The following COG5 variants were observed in gnomAD, a reference collection of about 807,000 sequenced individuals.
The protein encoded by COG5 is component of oligomeric golgi complex 5, also known as conserved oligomeric Golgi complex subunit 5.
COG5 carries 86 observed loss-of-function variants against 110.4 expected under a neutral mutation model. That is an observed-to-expected ratio of 0.78 (90% CI 0.65 to 0.93). The LOEUF (loss-of-function observed/expected upper bound fraction) is 0.93, where lower values mean the gene tolerates loss of function less well. Among genes scored for constraint, COG5 ranks in the 40% least tolerant of loss-of-function variants. The pLI is 0.00. For missense variants in COG5, 1,077 were observed against 987.0 expected (o/e 1.09, Z -1.22); for synonymous variants, 360 against 334.6 (o/e 1.08, Z -0.83).
chr7:107,398,798 G>C (rs1330169693), intron 7 of COG5, among the ~76,000 whole-genome samples: 2 of 152,116 alleles, frequency 1.3e-5, no homozygotes, highest in African/African-American at 4.8e-5. Flanking sequence ...TAATTGCCTG[G>C]GTTTGGGGGT....
intron 7 of COG5, among the ~76,000 whole-genome samples, chr7:107,374,526 C>T (rs1814463417): frequency 6.6e-6 from 1 of 151,968 alleles, no homozygotes; most frequent in Non-Finnish European, 1.5e-5. Flanking sequence ...CATACAACAA[C>T]TAAAAAACAC....
At chr7:107,352,403 T>C (rs185059047) in intron 10 of COG5, among the ~76,000 whole-genome samples, 6 of 149,414 alleles carry the variant, frequency 4.0e-5, no homozygotes, top group African/African-American at 1.5e-4. Context: ...ATACAATGTA[T>C]ACATATGGAA....
intron 7 of COG5, among the ~76,000 whole-genome samples, chr7:107,394,565 A>G (rs1157973087): frequency 3.3e-5 from 5 of 152,366 alleles, no homozygotes; most frequent in African/African-American, 1.2e-4. Context: ...TGGAACAGAG[A>G]TGTAGCAAGA....
In COG5 at chr7:107,502,085, A is replaced by G. The variant is rs142575292; in HGVS notation, c.538+25152T>C. Among the ~76,000 whole-genome samples the G allele has an allele frequency of 1.1e-3, 169 of 152,230 alleles. 6 individuals are homozygous for G. In the East Asian group the frequency reaches 0.032, roughly 29 times the overall value. On this transcript the variant is annotated intron_variant, in intron 6 of 21. Transcript: ENST00000297135. Reference sequence around the variant, plus strand: ...GATTACATAAATAAATTATTTAGTGATGAATTCTGAGATTTTAGTACACCT... The same window carrying G: ...GATTACATAAATAAATTATTTAGTGGTGAATTCTGAGATTTTAGTACACCT...
chr7:107,485,552 G>C (rs1446398964), intron 6 of COG5, among the ~76,000 whole-genome samples: 2 of 152,098 alleles, frequency 1.3e-5, no homozygotes, highest in African/African-American at 4.8e-5. Flanking sequence ...AAAACTTAGT[G>C]AATAACATGT....
intron 6 of COG5, among the ~76,000 whole-genome samples, chr7:107,524,636 T>C (rs1584931366): frequency 1.3e-5 from 2 of 152,218 alleles, no homozygotes; most frequent in East Asian, 1.9e-4. Context: ...GGCTTCTCCT[T>C]ATTATAAATG....
chr7:107,244,583 TAAAGA>T (rs878882111), intron 17 of COG5, among the ~76,000 whole-genome samples: 3 of 151,270 alleles, frequency 2.0e-5, no homozygotes, highest in Non-Finnish European at 4.4e-5. Context: ...GCTAGACTAA[TAAAGA>T]AGAGAGAATA....
At chr7:107,220,067 G>C (rs1210291308) in intron 19 of COG5, among the ~76,000 whole-genome samples, 2 of 152,188 alleles carry the variant, frequency 1.3e-5, no homozygotes, top group Non-Finnish European at 2.9e-5. Context: ...AAGTGGCAAA[G>C]CAAGGATTCA....
At chr7:107,530,451 A>G (rs546739470) in intron 5 of COG5, among the ~76,000 whole-genome samples, 27 of 152,158 alleles carry the variant, frequency 1.8e-4, no homozygotes, top group Non-Finnish European at 3.1e-4. Flanking sequence ...AAAATACAAA[A>G]TTAGCTGGGT....
intron 6 of COG5, among the ~76,000 whole-genome samples, chr7:107,467,339 A>T (rs1429888334): frequency 6.6e-6 from 1 of 152,102 alleles, no homozygotes; most frequent in African/African-American, 2.4e-5. Context: ...GATCTTCATA[A>T]ATTGATAATC....
In COG5 at chr7:107,258,450, T is replaced by A. The variant is rs113762913; in HGVS notation, c.1576-67A>T. The A allele has an allele frequency of 6.5e-3, 4,524 of 691,172 alleles. 13 individuals are homozygous for A. The highest frequency in any genetic ancestry group is 0.019 in the African/African-American group (1,058 of 55,912). 42.8% of individuals were successfully genotyped at this position (691,172 alleles called of 1,614,324 possible). On this transcript the variant is annotated intron_variant, in intron 14 of 21. Transcript: ENST00000297135. ...TTCTCTCTCTCTCTCTCTCTCTCTC[T>A]CACACACACACATACACACACACAC...
In COG5 at chr7:107,338,728, A is replaced by G. The variant is rs1810919152; in HGVS notation, c.1027-14207T>C. Among the ~76,000 whole-genome samples the G allele has an allele frequency of 2.6e-5, 4 of 152,302 alleles. 1 individual carries two copies. The South Asian group carries it at 8.3e-4, about 32-fold the overall frequency. On this transcript the variant is annotated intron_variant, in intron 10 of 21. Coordinates refer to ENST00000297135, the MANE Select transcript of COG5 (RefSeq NM_006348.5). ...ATATTTGCTAGCCATATAATGGACAATAAGTTAATATCTAGAATATATAGT... is the reference window on the plus strand; with the variant it reads ...ATATTTGCTAGCCATATAATGGACAGTAAGTTAATATCTAGAATATATAGT...
At chr7:107,484,675 A>C (rs1365812779) in intron 6 of COG5, among the ~76,000 whole-genome samples, 1 of 152,222 alleles carries the variant, frequency 6.6e-6, no homozygotes, top group Non-Finnish European at 1.5e-5. Context: ...TGGCCACAAC[A>C]ACCTTATAGA....
chr7:107,237,194 G>A (rs577591307), intron 17 of COG5, among the ~76,000 whole-genome samples: 6 of 152,312 alleles, frequency 3.9e-5, no homozygotes, highest in Admixed American at 6.5e-5. Context: ...ACAGAATTCT[G>A]ACTGTGGAAA....
intron 8 of COG5, among the ~76,000 whole-genome samples, chr7:107,370,812 A>T (rs1382083060): frequency 6.7e-6 from 1 of 149,082 alleles, no homozygotes; most frequent in Non-Finnish European, 1.5e-5. Context: ...TTATATATAT[A>T]TATATACACA....
chr7:107,464,844 G>C (rs1011805885), intron 6 of COG5, among the ~76,000 whole-genome samples: 7 of 152,088 alleles, frequency 4.6e-5, no homozygotes, highest in African/African-American at 1.7e-4. Context: ...TGTATACTAC[G>C]GGTTTTTTCA....
chr7:107,346,412 A>AC (rs3842177), intron 10 of COG5, among the ~76,000 whole-genome samples: 28,820 of 152,218 alleles, frequency 0.19, 2,861 homozygotes, highest in Non-Finnish European at 0.22. Flanking sequence ...GAAGGCAAGG[A>AC]TAGGTCACTT....
intron 6 of COG5, among the ~76,000 whole-genome samples, chr7:107,434,250 A>T (rs1174782124): frequency 6.6e-6 from 1 of 152,210 alleles, no homozygotes; most frequent in Admixed American, 6.5e-5. Flanking sequence ...GTTACGGAAA[A>T]CCATATAGAC....
rs142433421 is a variant in COG5 at position 107,248,423 on chromosome 7, A to G, written c.1826T>C (p.Ile609Thr). The change falls in exon 17 of 22, where the codon ATC (isoleucine) becomes ACC (threonine). Residue 609 changes from isoleucine (I) to threonine (T), a missense_variant. Transcript: ENST00000297135. The stretch of plus-strand genomic sequence containing the variant: ...AGAAAAGTCTTCTTGATGCATGGTG[A>G]TGATTATGGCCTCTATAGCATCTCC... Reference protein sequence around the residue: ...SVGDAIEAIIITMHQEDFSGS... With the variant: ...SVGDAIEAIITTMHQEDFSGS... 4.6e-4 allele frequency: 746 copies of G among 1,612,088 alleles called. 11 individuals carry two copies. The East Asian group carries it at 0.014, about 30-fold the overall frequency.
Sources: gnomAD v4.1 joint callset for allele counts (sites outside exome capture counted in the v4.1 genomes callset) on GRCh38, gnomAD v4.1.1 for gene constraint, MANE v1.5 for transcripts, NCBI Gene and HGNC (gene_info 2026-07-23, HGNC 2026-07-21) for gene names.